The following C20orf144 variants were observed in gnomAD, a reference collection of about 807,000 sequenced individuals.
The protein encoded by C20orf144 is chromosome 20 open reading frame 144.
C20orf144 carries 8 observed loss-of-function variants against 3.8 expected under a neutral mutation model. The ratio of observed to expected loss-of-function variants is 2.11; its 90% CI spans 1.24 to 3.80. The LOEUF (loss-of-function observed/expected upper bound fraction) is 3.80. Among genes scored for constraint, C20orf144 ranks in the 30% most tolerant of loss-of-function variants. The pLI is 0.00. For missense variants in C20orf144, 289 were observed against 224.5 expected, an observed-to-expected ratio of 1.29 and a Z score of -1.83; for synonymous variants, 126 against 104.1, an observed-to-expected ratio of 1.21 and a Z score of -1.28.
intron 1 of C20orf144, 39 bp downstream of exon 1, chr20:33,662,510 C>T (rs1439756228): frequency 1.3e-6 from 2 of 1,543,930 alleles, no homozygotes; most frequent in African/African-American, 2.7e-5. Flanking sequence ...GGGGAGGCAG[C>T]TGGGGGGCAG....
At chr20:33,662,930 T>C (rs945748677) in intron 1 of C20orf144, among the ~76,000 whole-genome samples, 1 of 152,176 alleles carries the variant, frequency 6.6e-6, no homozygotes, top group Non-Finnish European at 1.5e-5. Context: ...AAGACCCTGT[T>C]TGACTCAGTC....
intron 1 of C20orf144, 144 bp downstream of exon 1, chr20:33,662,615 C>A: frequency 1.0e-6 from 1 of 976,224 alleles, no homozygotes; most frequent in Non-Finnish European, 1.5e-6. Flanking sequence ...AAAATCTCTC[C>A]CAAGGATGAG....
At chr20:33,663,415 C>T (rs2017543566) in intron 1 of C20orf144, 117 bp from the exon 2 acceptor site, 1 of 1,110,262 alleles carries the variant, frequency 9.0e-7, no homozygotes. Context: ...ATGACAGGAC[C>T]CGGGTGGACG....
chr20:33,663,202 G>T (rs1267145748), intron 1 of C20orf144, among the ~76,000 whole-genome samples: 1 of 152,240 alleles, frequency 6.6e-6, no homozygotes, highest in African/African-American at 2.4e-5. Context: ...TGGACCAGGC[G>T]GGGGTGGGAG....
chr20:33,662,584 A>C, intron 1 of C20orf144, 113 bp downstream of exon 1: 1 of 1,241,518 alleles, frequency 8.1e-7, no homozygotes, highest in Non-Finnish European at 1.1e-6. Flanking sequence ...CAGAAGTCCT[A>C]GGGGGTGAGG....
Position 33,662,329 on chromosome 20 carries a change from T to C in C20orf144, c.-17T>C. 1.3e-6 allele frequency: 2 copies of C among 1,550,320 alleles called. No individual in the cohort carries two copies. The highest frequency in any genetic ancestry group is 1.2e-5 in the South Asian group (1 of 84,024). On this transcript the variant is annotated 5_prime_UTR_variant, in exon 1 of 2. Transcript: ENST00000375222. ...ACGGAGTGTGGGCCATCGTCCCCAG[T>C]GGTGACCAGCCCTGCCATGGGAAAC...
chr20:33,663,347 C>A, intron 1 of C20orf144, 185 bp from the exon 2 acceptor site: 1 of 611,228 alleles, frequency 1.6e-6, no homozygotes, highest in Non-Finnish European at 2.7e-6. Flanking sequence ...CAGGGAAGGG[C>A]GGGCTTCCCC....
In C20orf144 at chr20:33,663,892, TAA is replaced by T. The variant is rs1004271119; in HGVS notation, c.*27_*28del. On this transcript the variant is annotated 3_prime_UTR_variant, in exon 2 of 2. Transcript: ENST00000375222. ...AACGCTTGGCCCGGACCCCGCCCAATAAAGAGTGCGTGGCAACCCTGGCGCCT... is the reference window on the plus strand; with the variant it reads ...AACGCTTGGCCCGGACCCCGCCCAATAGAGTGCGTGGCAACCCTGGCGCCT... The T allele has an allele frequency of 3.1e-5, 43 of 1,374,264 alleles. No individual in the cohort carries two copies. In the African/African-American group the frequency reaches 4.6e-4, roughly 15 times the overall value. The allele number at this position is 1,374,264 out of a possible 1,614,324, so 85.1% of individuals were successfully genotyped here. A position where few individuals can be genotyped will look rare whatever the true frequency, so the allele number is the denominator to read the frequency against.
Position 33,663,630 on chromosome 20 carries a change from G to C in C20orf144, c.225G>C (p.Pro75=). ...CGTCCGGCGCTGGGCTGGGCTCCCCGGCGGCACCCAGATTGCGCGGAGCGG... is the reference window on the plus strand; with the variant it reads ...CGTCCGGCGCTGGGCTGGGCTCCCCCGCGGCACCCAGATTGCGCGGAGCGG... ...DYASGAGLGS[P]AAPRLRGAGE... Residue 75 remains proline (P), a synonymous_variant, in exon 2 of 2, where the codon CCG becomes CCC. Transcript: ENST00000375222. 2 of 1,608,500 alleles carry C rather than the reference G, an allele frequency of 1.2e-6. No homozygotes were observed. Among genetic ancestry groups the C allele is most frequent in the Non-Finnish European group, 1.7e-6 (2 of 1,179,286 alleles).
At chr20:33,662,597 G>C in intron 1 of C20orf144, 126 bp downstream of exon 1, 1 of 1,130,860 alleles carries the variant, frequency 8.8e-7, no homozygotes, top group Non-Finnish European at 1.2e-6. Context: ...GGGTGAGGGA[G>C]GAATTCGAAA....
In C20orf144 at chr20:33,663,712, G is replaced by C. The variant is rs745544415; in HGVS notation, c.307G>C (p.Glu103Gln). ...GGTACTGCTGCTGCTGCGGCGGCAA[G>C]AGGCGCGGCGGCCGGAAGAGGGCGG... ...MPVLLLLRRQ[E>Q]ARRPEEGGAR... Residue 103 changes from glutamate (E) to glutamine (Q), a missense_variant, in exon 2 of 2, where the codon GAG becomes CAG. Physicochemically the swap from Glu to Gln is conservative, Grantham distance 29. Coordinates refer to ENST00000375222, the MANE Select transcript of C20orf144 (RefSeq NM_080825.4). 2.6e-6 allele frequency: 4 copies of C among 1,530,000 alleles called. No homozygotes were observed. In the East Asian group the frequency reaches 9.7e-5, roughly 37 times the overall value. The allele number at this position is 1,530,000 out of a possible 1,614,324, so 94.8% of individuals were successfully genotyped here.
chr20:33,663,374 A>AG, intron 1 of C20orf144, 158 bp from the exon 2 acceptor site: 1 of 741,604 alleles, frequency 1.3e-6, no homozygotes, highest in Non-Finnish European at 2.1e-6. Context: ...TGAATTGGAC[A>AG]GGGGTCCCCT....
chr20:33,663,830 C>T lies in C20orf144; in HGVS notation c.425C>T (p.Pro142Leu). Residue 142 changes from proline (P) to leucine (L), a missense_variant, in exon 2 of 2, where the codon CCG becomes CTG. Coordinates refer to ENST00000375222, the MANE Select transcript of C20orf144 (RefSeq NM_080825.4). ...PREAGPAEEQ[P>L]RKRCRCPRPQ... ...GAAGCCGGCCCCGCCGAGGAGCAGC[C>T]GCGCAAACGGTGCCGCTGCCCTCGC... The T allele has an allele frequency of 1.4e-6, 2 of 1,413,744 alleles. No homozygotes were observed. Among genetic ancestry groups the T allele is most frequent in the Non-Finnish European group, 1.8e-6 (2 of 1,095,446 alleles). The allele number at this position is 1,413,744 out of a possible 1,614,324, so 87.6% of individuals were successfully genotyped here. A position where few individuals can be genotyped will look rare whatever the true frequency, so the allele number is the denominator to read the frequency against.
rs771766237 is a variant in C20orf144, at chr20:33,663,566, G to C, written c.161G>C (p.Arg54Pro). 9.9e-6 allele frequency: 16 copies of C among 1,610,786 alleles called. No homozygotes were observed. Among genetic ancestry groups the C allele is most frequent in the Non-Finnish European group, 1.1e-5 (13 of 1,179,580 alleles). Residue 54 changes from arginine to proline, a missense_variant, in exon 2 of 2, where the codon CGG becomes CCG. Transcript: ENST00000375222. ...RIVLILPLDK[R>P]QPLANAGQRI... ...GTGCTGATTCTCCCCCTGGACAAGC[G>C]GCAGCCGCTGGCCAACGCTGGGCAA...
At position 33,663,703 on chromosome 20, in the gene C20orf144, C is replaced by A. The variant is rs746862374; in HGVS notation, c.298C>A (p.Arg100=). The part of the protein sequence containing the change: ...EPRMPVLLLL[R]RQEARRPEEG... ...GAGGATGCCGGTACTGCTGCTGCTGCGGCGGCAAGAGGCGCGGCGGCCGGA... is the reference window on the plus strand; with the variant it reads ...GAGGATGCCGGTACTGCTGCTGCTGAGGCGGCAAGAGGCGCGGCGGCCGGA... Residue 100 remains arginine, a synonymous_variant, in exon 2 of 2, where the codon CGG becomes AGG. Transcript: ENST00000375222. The A allele has an allele frequency of 1.3e-6, 2 of 1,545,586 alleles. No homozygotes were observed. Among genetic ancestry groups the A allele is most frequent in the Non-Finnish European group, 1.7e-6 (2 of 1,161,786 alleles).
chr20:33,662,681 T>C, intron 1 of C20orf144: 1 of 575,326 alleles, frequency 1.7e-6, no homozygotes, highest in Admixed American at 3.3e-5. Flanking sequence ...GGCTCACGCC[T>C]GTAATCCCAA....
intron 1 of C20orf144, 79 bp from the exon 2 acceptor site, chr20:33,663,453 G>C (rs530600488): frequency 6.8e-7 from 1 of 1,469,350 alleles, no homozygotes; most frequent in East Asian, 2.5e-5. Flanking sequence ...GAGGGTCCCA[G>C]GAGAAGCGCG....
At position 33,663,588 on chromosome 20, in the gene C20orf144, G is replaced by C. The variant is rs763444244; in HGVS notation, c.183G>C (p.Gly61=). The C allele has an allele frequency of 2.8e-5, 45 of 1,611,262 alleles. No individual in the cohort carries two copies. In the South Asian group the frequency reaches 3.4e-4, roughly 12 times the overall value. Residue 61 remains glycine (G), a synonymous_variant, in exon 2 of 2, where the codon GGG becomes GGC. Coordinates refer to ENST00000375222, the MANE Select transcript of C20orf144 (RefSeq NM_080825.4). ...AGCGGCAGCCGCTGGCCAACGCTGG[G>C]CAACGGATTGACTACGCGTCCGGCG... ...LDKRQPLANA[G]QRIDYASGAG...
intron 1 of C20orf144, 185 bp from the exon 2 acceptor site, chr20:33,663,347 C>T (rs2017541400): frequency 4.9e-6 from 3 of 611,110 alleles, no homozygotes; most frequent in Non-Finnish European, 8.2e-6. Flanking sequence ...CAGGGAAGGG[C>T]GGGCTTCCCC....
Sources: allele counts gnomAD v4.1 joint callset (sites outside exome capture counted in the v4.1 genomes callset), GRCh38; gene constraint gnomAD v4.1.1; transcripts MANE v1.5; gene names NCBI Gene and HGNC (gene_info 2026-07-23, HGNC 2026-07-21).